BANK1: variants seen among roughly 807,000 people sequenced by gnomAD.
BANK1 encodes B cell scaffold protein with ankyrin repeats 1.
Under a neutral mutation model 94.5 loss-of-function variants are expected in BANK1, and 95 were observed. That is an observed-to-expected ratio of 1.00 (90% CI 0.85 to 1.19). The LOEUF (loss-of-function observed/expected upper bound fraction) is 1.19, where lower values mean the gene tolerates loss of function less well. Ranked by LOEUF, BANK1 falls within the 50% of genes most tolerant of loss-of-function variation. The probability of loss-of-function intolerance (pLI) is 0.00; values close to 1 mark genes in which losing one functional copy is unlikely to be tolerated. For synonymous variants in BANK1, 334 were observed against 308.4 expected (o/e 1.08, Z -0.87); for missense variants, 987 against 932.2 (o/e 1.06, Z -0.77).
intron 1 of BANK1, chr4:101,813,883 G>C (rs1191418480): frequency 1.0e-6 from 1 of 985,284 alleles, no homozygotes; most frequent in African/African-American, 1.7e-5. Context: ...GGGACTACTT[G>C]CTTGCTGGTT....
intron 7 of BANK1, among the ~76,000 whole-genome samples, chr4:101,933,299 C>T (rs147289205): frequency 1.5e-5 from 2 of 131,592 alleles, no homozygotes; most frequent in Admixed American, 8.6e-5. Flanking sequence ...CCAGAGAGAC[C>T]GGTAAGAAAG....
At chr4:102,008,426 A>G (rs1338490677) in intron 7 of BANK1, among the ~76,000 whole-genome samples, 1 of 152,242 alleles carries the variant, frequency 6.6e-6, no homozygotes, top group Non-Finnish European at 1.5e-5. Flanking sequence ...ACAGCAAAAC[A>G]GAGAGTACTG....
intron 10 of BANK1, among the ~76,000 whole-genome samples, chr4:102,030,744 C>T (rs1560697540): frequency 2.0e-5 from 3 of 152,112 alleles, no homozygotes; most frequent in Non-Finnish European, 4.4e-5. Flanking sequence ...CCAGCATCAT[C>T]CATGTCCCTG....
intron 11 of BANK1, among the ~76,000 whole-genome samples, chr4:102,053,473 C>G (rs577034768): frequency 6.6e-6 from 1 of 152,034 alleles, no homozygotes; most frequent in East Asian, 1.9e-4. Context: ...TAATGGACTA[C>G]CAAGTTTATT....
chr4:101,855,201 T>C lies in BANK1; in HGVS notation c.624+12T>C. 2 of 1,607,644 alleles carry C rather than the reference T, an allele frequency of 1.2e-6. No individual in the cohort carries two copies. The highest frequency in any genetic ancestry group is 1.7e-4 in the Middle Eastern group (1 of 6,030). ...AAATTCCATGTGAGGTCAGTAAAGA[T>C]ACCTTGTTATTTAAGTGACCCCATT... On this transcript the variant is annotated intron_variant, in intron 3 of 16. Transcript: ENST00000322953.
At chr4:102,010,130 TGGC>T (rs984873446) in intron 7 of BANK1, among the ~76,000 whole-genome samples, 2 of 151,530 alleles carry the variant, frequency 1.3e-5, no homozygotes, top group African/African-American at 4.8e-5. Flanking sequence ...CCAGGTGTGG[TGGC>T]GGGCGCCTGT....
chr4:102,010,474 C>G (rs1726472056), intron 7 of BANK1, among the ~76,000 whole-genome samples: 1 of 149,446 alleles, frequency 6.7e-6, no homozygotes, highest in African/African-American at 2.5e-5. Flanking sequence ...CTCACTGCAG[C>G]TTCCGCCTCC....
chr4:102,063,807 A>G (rs950887922), intron 13 of BANK1, among the ~76,000 whole-genome samples: 4 of 150,540 alleles, frequency 2.7e-5, no homozygotes, highest in African/African-American at 9.8e-5. Flanking sequence ...TGACAGAGCA[A>G]GACTCTATCT....
intron 7 of BANK1, among the ~76,000 whole-genome samples, chr4:101,922,383 C>G (rs1353034604): frequency 6.6e-6 from 1 of 151,740 alleles, no homozygotes; most frequent in African/African-American, 2.4e-5. Context: ...TAAATGGCAG[C>G]ATATCCTGCT....
chr4:102,064,474 A>C (rs780573527), intron 13 of BANK1, among the ~76,000 whole-genome samples: 21 of 152,166 alleles, frequency 1.4e-4, no homozygotes, highest in African/African-American at 4.8e-4. Flanking sequence ...CAATAACTCT[A>C]TGAGGTGGGC....
chr4:101,837,237 G>A (rs979136915), intron 2 of BANK1, among the ~76,000 whole-genome samples: 8 of 152,028 alleles, frequency 5.3e-5, no homozygotes, highest in Admixed American at 1.3e-4. Flanking sequence ...GTATATTTAG[G>A]ACTAAGACCG....
intron 7 of BANK1, among the ~76,000 whole-genome samples, chr4:101,991,573 TGAGCCCAG>T (rs1289055378): frequency 6.6e-6 from 1 of 152,218 alleles, no homozygotes; most frequent in Non-Finnish European, 1.5e-5. Flanking sequence ...ACTTTAAAAA[TGAGCCCAG>T]GAGGTGGTTT....
At chr4:101,871,306 G>A (rs2148881412) in intron 5 of BANK1, among the ~76,000 whole-genome samples, 1 of 151,994 alleles carries the variant, frequency 6.6e-6, no homozygotes, top group South Asian at 2.1e-4. Flanking sequence ...TTTTTTGCGT[G>A]GGTGAGAGGT....
intron 7 of BANK1, among the ~76,000 whole-genome samples, chr4:102,013,895 A>T (rs751425145): frequency 1.3e-5 from 2 of 152,082 alleles, no homozygotes; most frequent in Non-Finnish European, 1.5e-5. Flanking sequence ...AATAGAGATA[A>T]TTTTCGAGTG....
chr4:102,037,891 G>T (rs2148953869), intron 10 of BANK1, among the ~76,000 whole-genome samples: 1 of 152,252 alleles, frequency 6.6e-6, no homozygotes, highest in South Asian at 2.1e-4. Context: ...TATCACCCCA[G>T]TTAGGATGCC....
intron 1 of BANK1, among the ~76,000 whole-genome samples, chr4:101,793,987 C>CA (rs895802953): frequency 6.6e-5 from 10 of 151,030 alleles, no homozygotes; most frequent in South Asian, 2.1e-4. Flanking sequence ...GCTCTCGTAT[C>CA]AAAAAAAATA....
chr4:101,868,625 C>G (rs564891085), intron 4 of BANK1, among the ~76,000 whole-genome samples: 1 of 152,012 alleles, frequency 6.6e-6, no homozygotes, highest in African/African-American at 2.4e-5. Flanking sequence ...TGGTAAACAG[C>G]AACATTTAAT....
At chr4:101,909,231 T>C (rs1009104253) in intron 6 of BANK1, among the ~76,000 whole-genome samples, 3 of 152,212 alleles carry the variant, frequency 2.0e-5, no homozygotes, top group African/African-American at 4.8e-5. Flanking sequence ...GATGAGTTCA[T>C]GTCCTTTGTA....
At chr4:101,967,409 T>G (rs778478380) in intron 7 of BANK1, among the ~76,000 whole-genome samples, 1 of 152,000 alleles carries the variant, frequency 6.6e-6, no homozygotes, top group Non-Finnish European at 1.5e-5. Flanking sequence ...GAAAGAATTA[T>G]AATGGGATGG....
Sources: allele counts gnomAD v4.1 joint callset (sites outside exome capture counted in the v4.1 genomes callset), GRCh38; gene constraint gnomAD v4.1.1; transcripts MANE v1.5; gene names NCBI Gene and HGNC (gene_info 2026-07-23, HGNC 2026-07-21).